The following ADAM23 variants were observed in gnomAD, a reference collection of about 807,000 sequenced individuals.
The protein encoded by ADAM23 is ADAM metallopeptidase domain 23, also known as disintegrin and metalloproteinase domain-containing protein 23.
In ADAM23, 33 loss-of-function variants were observed where a neutral mutation model predicts 120.1. That is an observed-to-expected ratio of 0.27 (90% confidence interval 0.21 to 0.37). The LOEUF is 0.37. Ranked by LOEUF, ADAM23 falls within the 10% of genes least tolerant of loss-of-function variation. The pLI is 1.00. For missense variants in ADAM23, 862 were observed against 1,058.2 expected (o/e 0.81, Z 2.57); for synonymous variants, 367 against 375.2 (o/e 0.98, Z 0.25).
intron 18 of ADAM23, among the ~76,000 whole-genome samples, chr2:206,585,368 G>C (rs1698302145): frequency 2.0e-5 from 3 of 152,222 alleles, no homozygotes; most frequent in African/African-American, 7.2e-5. Context: ...CTCTTGTGTA[G>C]TTGTGTATTT....
At chr2:206,465,461 T>G (rs1218906583) in intron 2 of ADAM23, among the ~76,000 whole-genome samples, 1 of 152,192 alleles carries the variant, frequency 6.6e-6, no homozygotes, top group Non-Finnish European at 1.5e-5. Flanking sequence ...GATTATAAAA[T>G]TTTCTTTTTG....
intron 16 of ADAM23, among the ~76,000 whole-genome samples, chr2:206,571,079 C>G (rs990330491): frequency 6.6e-6 from 1 of 152,150 alleles, no homozygotes; most frequent in African/African-American, 2.4e-5. Flanking sequence ...TTTACCAAAT[C>G]GTAAAACATT....
intron 14 of ADAM23, among the ~76,000 whole-genome samples, chr2:206,565,822 T>TA: frequency 6.6e-6 from 1 of 152,184 alleles, no homozygotes; most frequent in East Asian, 1.9e-4. Context: ...TTTCTGGTCC[T>TA]ACCTCCGTCC....
intron 2 of ADAM23, among the ~76,000 whole-genome samples, chr2:206,451,496 T>C (rs912375858): frequency 6.6e-6 from 1 of 152,230 alleles, no homozygotes; most frequent in Non-Finnish European, 1.5e-5. Context: ...CACTTTGGCC[T>C]CCCAAAGTTC....
At chr2:206,537,813 TA>T (rs1321525215) in intron 4 of ADAM23, among the ~76,000 whole-genome samples, 1 of 152,154 alleles carries the variant, frequency 6.6e-6, no homozygotes, top group Non-Finnish European at 1.5e-5. Context: ...GCCAGTTTTT[TA>T]AAAAGTTTCT....
intron 2 of ADAM23, among the ~76,000 whole-genome samples, chr2:206,478,727 C>T (rs1290046249): frequency 5.9e-5 from 9 of 152,188 alleles, no homozygotes; most frequent in East Asian, 5.8e-4. Flanking sequence ...AAACCATTTT[C>T]CTACAGGCCA....
Position 206,620,910 on chromosome 2 carries a change from C to G in ADAM23, c.*3283C>G, listed in dbSNP as rs6732042. ...AGAACTTTACAAACAATACTTGAACCCTTTCTTTAAAGTTATCCCATCATG... is the reference window on the plus strand; with the variant it reads ...AGAACTTTACAAACAATACTTGAACGCTTTCTTTAAAGTTATCCCATCATG... On this transcript the variant is annotated 3_prime_UTR_variant, in exon 26 of 26. Coordinates refer to ENST00000264377, the MANE Select transcript of ADAM23 (RefSeq NM_003812.4). 2 of 152,112 alleles carry G rather than the reference C, an allele frequency of 1.3e-5. No homozygotes were observed. The highest frequency in any genetic ancestry group is 4.8e-5 in the African/African-American group (2 of 41,420). The allele number at this position is 152,112 out of a possible 1,614,324, so 9.4% of individuals were successfully genotyped here.
Position 206,526,055 on chromosome 2 carries a change from A to G in ADAM23, c.510-4830A>G, listed in dbSNP as rs1178396591. 2.6e-5 allele frequency among the ~76,000 whole-genome samples: 4 copies of G among 152,104 alleles called. No homozygotes were observed. The East Asian group carries it at 5.8e-4, about 22-fold the overall frequency. On this transcript the variant is annotated intron_variant, in intron 3 of 25. Coordinates refer to ENST00000264377, the MANE Select transcript of ADAM23 (RefSeq NM_003812.4). ...GGAACTTCCTTGTAATGGAAGATATAAACTTTTGGGAGTTTTGACCACATG... is the reference window on the plus strand; with the variant it reads ...GGAACTTCCTTGTAATGGAAGATATGAACTTTTGGGAGTTTTGACCACATG...
rs1167037152 is a variant in ADAM23, at chr2:206,618,344, C to T, written c.*717C>T. 1 of 152,068 alleles carries T rather than the reference C, an allele frequency of 6.6e-6. No individual in the cohort carries two copies. The highest frequency in any genetic ancestry group is 1.5e-5 in the Non-Finnish European group (1 of 68,070). The allele number at this position is 152,068 out of a possible 1,614,324, so 9.4% of individuals were successfully genotyped here. On this transcript the variant is annotated 3_prime_UTR_variant, in exon 26 of 26. Transcript: ENST00000264377. Reference sequence around the variant, plus strand: ...GACCTTGCTCTTGTTGATTCACTTTCCCCATTGTGTTTTCTCCTGGACTGA... The same window carrying T: ...GACCTTGCTCTTGTTGATTCACTTTTCCCATTGTGTTTTCTCCTGGACTGA...
intron 24 of ADAM23, among the ~76,000 whole-genome samples, chr2:206,601,585 C>A (rs1280280763): frequency 6.6e-6 from 1 of 151,870 alleles, no homozygotes; most frequent in Non-Finnish European, 1.5e-5. Flanking sequence ...CCAGCCTGAG[C>A]AACATGGAAA....
chr2:206,493,406 C>G (rs1164059421), intron 3 of ADAM23, among the ~76,000 whole-genome samples: 2 of 152,120 alleles, frequency 1.3e-5, no homozygotes, highest in African/African-American at 4.8e-5. Flanking sequence ...GAGTTTCGCT[C>G]TTGTCACCCA....
At chr2:206,571,942 A>G in intron 17 of ADAM23, 126 bp downstream of exon 17, 1 of 710,848 alleles carries the variant, frequency 1.4e-6, no homozygotes, top group Non-Finnish European at 2.3e-6. Flanking sequence ...TTAGCCTGGC[A>G]GTTTTCTAGG....
chr2:206,478,521 T>TGATGATGATGAC (rs1695830995), intron 2 of ADAM23, among the ~76,000 whole-genome samples: 1 of 151,904 alleles, frequency 6.6e-6, no homozygotes, highest in African/African-American at 2.4e-5. Context: ...ATGATGATGA[T>TGATGATGATGAC]GATGATGATG....
Position 206,553,865 on chromosome 2 carries a change from C to G in ADAM23, c.934-3562C>G, listed in dbSNP as rs575791213. 1.4e-4 allele frequency among the ~76,000 whole-genome samples: 22 copies of G among 152,276 alleles called. No individual in the cohort carries two copies. In the South Asian group the frequency reaches 2.9e-3, roughly 20 times the overall value. ...GAGTACTCATCTTACAATCTTTATACTATACGATCCAGAATAGTTATTTTG... is the reference window on the plus strand; with the variant it reads ...GAGTACTCATCTTACAATCTTTATAGTATACGATCCAGAATAGTTATTTTG... On this transcript the variant is annotated intron_variant, in intron 9 of 25. Coordinates refer to ENST00000264377, the MANE Select transcript of ADAM23 (RefSeq NM_003812.4).
intron 2 of ADAM23, among the ~76,000 whole-genome samples, chr2:206,474,770 T>C (rs1047572959): frequency 3.3e-5 from 5 of 152,256 alleles, no homozygotes; most frequent in Middle Eastern, 3.4e-3. Context: ...AGGCAGGGTT[T>C]CACCATGTTG....
At chr2:206,559,840 T>C in intron 10 of ADAM23, 115 bp from the exon 11 acceptor site, 2 of 820,270 alleles carry the variant, frequency 2.4e-6, no homozygotes, top group Non-Finnish European at 1.9e-6. Flanking sequence ...GGGCTAATTA[T>C]GACCCCGTGT....
At chr2:206,495,743 G>A (rs1225173584) in intron 3 of ADAM23, among the ~76,000 whole-genome samples, 2 of 152,080 alleles carry the variant, frequency 1.3e-5, no homozygotes, top group Admixed American at 6.6e-5. Flanking sequence ...AGTGTGCTAT[G>A]TTCAGGAAAC....
chr2:206,547,626 A>G, intron 7 of ADAM23, 125 bp downstream of exon 7: 1 of 744,370 alleles, frequency 1.3e-6, no homozygotes, highest in Non-Finnish European at 2.2e-6. Context: ...AACATCGTGG[A>G]TCAGCACTGG....
chr2:206,500,451 A>G (rs550216139), intron 3 of ADAM23, among the ~76,000 whole-genome samples: 1 of 152,188 alleles, frequency 6.6e-6, no homozygotes, highest in Non-Finnish European at 1.5e-5. Context: ...AGTAGCTTTT[A>G]GAAGGGAAAC....
Sources: allele counts gnomAD v4.1 joint callset (sites outside exome capture counted in the v4.1 genomes callset), GRCh38; gene constraint gnomAD v4.1.1; transcripts MANE v1.5; gene names NCBI Gene and HGNC (gene_info 2026-07-23, HGNC 2026-07-21).